The following IL1RAPL1 variants were observed in gnomAD, a reference collection of about 807,000 sequenced individuals.
IL1RAPL1 encodes the protein interleukin 1 receptor accessory protein like 1.
A neutral mutation model predicts 48.4 loss-of-function variants in IL1RAPL1; 3 were observed. That is an observed-to-expected ratio of 0.06 (90% CI 0.03 to 0.16). IL1RAPL1 has a LOEUF of 0.16. Ranked by LOEUF, IL1RAPL1 falls within the 10% of genes least tolerant of loss-of-function variation. The probability of loss-of-function intolerance (pLI) is 1.00; values close to 1 mark genes in which losing one functional copy is unlikely to be tolerated. For missense variants in IL1RAPL1, 349 were observed against 530.6 expected, an observed-to-expected ratio of 0.66 and a Z score of 3.36; for synonymous variants, 185 against 187.7, an observed-to-expected ratio of 0.99 and a Z score of 0.12.
At chrX:29,052,173 G>T (rs931357026) in intron 2 of IL1RAPL1, among the ~76,000 whole-genome samples, 2 of 111,632 alleles carry the variant, frequency 1.8e-5, no homozygotes, top group African/African-American at 6.5e-5. Flanking sequence ...TTTGTTCAGA[G>T]AAATGAACAT....
intron 6 of IL1RAPL1, among the ~76,000 whole-genome samples, chrX:29,808,345 T>C (rs1279751943): frequency 8.9e-6 from 1 of 111,882 alleles, no homozygotes; most frequent in African/African-American, 3.2e-5. Flanking sequence ...GATTGTCTTT[T>C]AAATAAGGTC....
At chrX:28,943,009 T>G (rs991696188) in intron 2 of IL1RAPL1, among the ~76,000 whole-genome samples, 11 of 110,784 alleles carry the variant, frequency 9.9e-5, no homozygotes, top group Middle Eastern at 4.6e-3. Context: ...CTTCTATAGA[T>G]CAACACATTA....
chrX:28,646,199 T>C (rs1265411116), intron 1 of IL1RAPL1, among the ~76,000 whole-genome samples: 1 of 111,868 alleles, frequency 8.9e-6, no homozygotes, highest in Non-Finnish European at 1.9e-5. Flanking sequence ...TGGATTCTCG[T>C]AAGGAGGATG....
At chrX:29,140,561 T>C (rs956816372) in intron 2 of IL1RAPL1, among the ~76,000 whole-genome samples, 10 of 112,354 alleles carry the variant, frequency 8.9e-5, no homozygotes, top group African/African-American at 3.2e-4. Flanking sequence ...CAACCACTGA[T>C]ACCTAGAAAC....
At chrX:28,848,726 G>A (rs185119477) in intron 2 of IL1RAPL1, among the ~76,000 whole-genome samples, 22 of 111,481 alleles carry the variant, frequency 2.0e-4, no homozygotes, top group Admixed American at 2.9e-4. Flanking sequence ...GAAGTAAGGT[G>A]TAGGAAGAAG....
intron 5 of IL1RAPL1, among the ~76,000 whole-genome samples, chrX:29,400,920 A>G (rs185032160): frequency 6.3e-5 from 7 of 111,810 alleles, no homozygotes; most frequent in Admixed American, 9.5e-5. Flanking sequence ...TTCAGAGTGG[A>G]GAACTCATCT....
intron 2 of IL1RAPL1, among the ~76,000 whole-genome samples, chrX:28,971,319 TTA>T (rs953463357): frequency 8.9e-6 from 1 of 112,443 alleles, no homozygotes; most frequent in African/African-American, 3.2e-5. Context: ...TGATTTTTGT[TTA>T]TAGTCTTAAA....
intron 2 of IL1RAPL1, among the ~76,000 whole-genome samples, chrX:28,974,081 C>A (rs1450009549): frequency 9.0e-6 from 1 of 111,483 alleles, no homozygotes; most frequent in Admixed American, 9.6e-5. Context: ...CTACTACGGG[C>A]CTGCAGAGGG....
chrX:29,386,753 G>A (rs1401653853), intron 3 of IL1RAPL1, among the ~76,000 whole-genome samples: 1 of 110,241 alleles, frequency 9.1e-6, no homozygotes, highest in African/African-American at 3.3e-5. Context: ...ATGTTGCCCA[G>A]GCTGGTCTTG....
intron 2 of IL1RAPL1, among the ~76,000 whole-genome samples, chrX:28,996,445 C>A (rs754047280): frequency 9.0e-6 from 1 of 111,306 alleles, no homozygotes; most frequent in African/African-American, 3.3e-5. Flanking sequence ...TTTGTATGGG[C>A]ACTTCTTTTG....
intron 2 of IL1RAPL1, among the ~76,000 whole-genome samples, chrX:29,097,184 A>G (rs1928233312): frequency 8.9e-6 from 1 of 111,910 alleles, no homozygotes; most frequent in South Asian, 3.7e-4. Flanking sequence ...TACTTTGACC[A>G]TTCTTTTACG....
chrX:29,008,784 T>C (rs1377115179), intron 2 of IL1RAPL1, among the ~76,000 whole-genome samples: 1 of 108,596 alleles, frequency 9.2e-6, no homozygotes, highest in Admixed American at 9.7e-5. Flanking sequence ...GTACTGAGCA[T>C]TGTACCCAAT....
At chrX:29,463,205 A>C (rs754044501) in intron 5 of IL1RAPL1, among the ~76,000 whole-genome samples, 1 of 102,110 alleles carries the variant, frequency 9.8e-6, no homozygotes, top group East Asian at 3.3e-4. Flanking sequence ...AAAAAAAAAA[A>C]AACCCACATT....
chrX:29,914,386 T>C (rs780111930), intron 6 of IL1RAPL1, among the ~76,000 whole-genome samples: 10 of 111,879 alleles, frequency 8.9e-5, no homozygotes, highest in Non-Finnish European at 1.9e-4. Context: ...AATCGGCCTC[T>C]CTGCTAAGGA....
chrX:28,680,747 A>G (rs1447959527), intron 1 of IL1RAPL1, among the ~76,000 whole-genome samples: 1 of 111,887 alleles, frequency 8.9e-6, no homozygotes, highest in Admixed American at 9.5e-5. Flanking sequence ...GAGTCTGTTA[A>G]TGTGGTATAT....
At chrX:29,948,151 T>G (rs1266337173) in intron 9 of IL1RAPL1, among the ~76,000 whole-genome samples, 1 of 111,216 alleles carries the variant, frequency 9.0e-6, no homozygotes, top group East Asian at 2.8e-4. Flanking sequence ...GGAAATATAG[T>G]CCCAAATGAG....
intron 1 of IL1RAPL1, among the ~76,000 whole-genome samples, chrX:28,629,320 G>A (rs1934374829): frequency 9.0e-6 from 1 of 111,589 alleles, no homozygotes; most frequent in Admixed American, 9.5e-5. Context: ...TTATTTCATG[G>A]TTTATTCCTG....
intron 1 of IL1RAPL1, among the ~76,000 whole-genome samples, chrX:28,690,737 C>T (rs6630730): frequency 0.062 from 6,930 of 110,933 alleles, 426 homozygotes; most frequent in East Asian, 0.32. Flanking sequence ...TTTTGTTAGT[C>T]GAGACAAACA....
chrX:29,501,551 C>T (rs746872610), intron 5 of IL1RAPL1, among the ~76,000 whole-genome samples: 3 of 111,158 alleles, frequency 2.7e-5, no homozygotes, highest in African/African-American at 3.3e-5. Flanking sequence ...GTTTTCCCAG[C>T]GCTATTTATT....
Sources: gnomAD v4.1 joint callset for allele counts (sites outside exome capture counted in the v4.1 genomes callset) on GRCh38, gnomAD v4.1.1 for gene constraint, MANE v1.5 for transcripts, NCBI Gene and HGNC (gene_info 2026-07-23, HGNC 2026-07-21) for gene names.